SLC35D2: variants seen among roughly 807,000 people sequenced by gnomAD.
SLC35D2 encodes solute carrier family 35 member D2, also known as nucleotide sugar transporter SLC35D2.
In SLC35D2, 43 loss-of-function variants were observed where a neutral mutation model predicts 41.8. The ratio of observed to expected loss-of-function variants is 1.03; its 90% CI spans 0.81 to 1.33. The LOEUF (loss-of-function observed/expected upper bound fraction) is 1.33. SLC35D2 is among the 40% of genes most tolerant of loss of function. The pLI is 0.00. For missense variants in SLC35D2, 380 were observed against 408.4 expected, an observed-to-expected ratio of 0.93 and a Z score of 0.60; for synonymous variants, 150 against 163.9, an observed-to-expected ratio of 0.92 and a Z score of 0.65.
At chr9:96,375,466 T>C (rs1338179976) in intron 1 of SLC35D2, among the ~76,000 whole-genome samples, 3 of 149,604 alleles carry the variant, frequency 2.0e-5, no homozygotes. Flanking sequence ...TAATCCCAAC[T>C]ACTCAAGAAG....
At chr9:96,380,708 CATG>C (rs925612311) in intron 1 of SLC35D2, among the ~76,000 whole-genome samples, 1 of 151,778 alleles carries the variant, frequency 6.6e-6, no homozygotes, top group African/African-American at 2.4e-5. Context: ...ATCCTGACCT[CATG>C]ATCTGCCCAC....
At chr9:96,374,595 G>C (rs575568572) in intron 1 of SLC35D2, among the ~76,000 whole-genome samples, 3 of 151,566 alleles carry the variant, frequency 2.0e-5, no homozygotes, top group African/African-American at 7.3e-5. Context: ...AGCACTTTGG[G>C]AGGACGAGGC....
At chr9:96,378,249 C>T (rs1364117323) in intron 1 of SLC35D2, among the ~76,000 whole-genome samples, 1 of 148,840 alleles carries the variant, frequency 6.7e-6, no homozygotes, top group South Asian at 2.2e-4. Context: ...GCCTGAGCAA[C>T]ATACTGAGAC....
chr9:96,381,029 G>A (rs928491858), intron 1 of SLC35D2, among the ~76,000 whole-genome samples: 2 of 152,170 alleles, frequency 1.3e-5, no homozygotes, highest in Admixed American at 6.5e-5. Flanking sequence ...AGTCCACGCC[G>A]TCTTTACCTG....
chr9:96,363,406 A>G (rs1426169267), intron 3 of SLC35D2, among the ~76,000 whole-genome samples: 8 of 152,194 alleles, frequency 5.3e-5, no homozygotes, highest in Admixed American at 4.6e-4. Context: ...ACAGCAGCAA[A>G]CCAGCCACAT....
intron 3 of SLC35D2, among the ~76,000 whole-genome samples, chr9:96,362,451 G>A (rs939161252): frequency 4.0e-5 from 6 of 151,792 alleles, no homozygotes; most frequent in African/African-American, 1.5e-4. Flanking sequence ...AGTTTGCAGT[G>A]AGCTGACATT....
chr9:96,328,076 TA>T (rs1828631480), intron 9 of SLC35D2, among the ~76,000 whole-genome samples: 1 of 152,176 alleles, frequency 6.6e-6, no homozygotes, highest in Admixed American at 6.5e-5. Context: ...GACTTTGAAC[TA>T]AAAGAACCTT....
intron 2 of SLC35D2, among the ~76,000 whole-genome samples, chr9:96,365,341 A>C (rs796888463): frequency 7.2e-5 from 11 of 152,102 alleles, no homozygotes; most frequent in African/African-American, 2.4e-4. Flanking sequence ...CTTGGGAGAC[A>C]GAGCAAGACT....
intron 4 of SLC35D2, among the ~76,000 whole-genome samples, chr9:96,358,078 T>TATATA (rs1491320526): frequency 1.0e-4 from 8 of 79,244 alleles, no homozygotes; most frequent in African/African-American, 5.4e-4. Context: ...ATATTATATA[T>TATATA]TTTATATATA....
chr9:96,367,356 AAAAC>A (rs1258529979), intron 2 of SLC35D2, among the ~76,000 whole-genome samples: 4 of 152,314 alleles, frequency 2.6e-5, no homozygotes, highest in South Asian at 2.1e-4. Flanking sequence ...AATCAAAATC[AAAAC>A]AAACAAACAA....
intron 6 of SLC35D2, 104 bp from the exon 7 acceptor site, chr9:96,345,505 GCA>G (rs1264675025): frequency 1.3e-5 from 9 of 691,088 alleles, no homozygotes; most frequent in Non-Finnish European, 2.3e-5. Context: ...CTTTTCTGTG[GCA>G]CACTTTCCCC....
chr9:96,352,197 T>C, intron 4 of SLC35D2, 88 bp from the exon 5 acceptor site: 1 of 780,454 alleles, frequency 1.3e-6, no homozygotes, highest in African/African-American at 1.7e-5. Context: ...TAATTAAGCT[T>C]ACTAATTTTC....
intron 11 of SLC35D2, 119 bp downstream of exon 11, chr9:96,321,879 A>G (rs1053885310): frequency 4.7e-6 from 3 of 633,852 alleles, no homozygotes; most frequent in African/African-American, 3.7e-5. Context: ...TTAGAATGTC[A>G]AAACGCCTCC....
chr9:96,368,506 AC>A (rs1587715164), intron 1 of SLC35D2, among the ~76,000 whole-genome samples: 1 of 151,438 alleles, frequency 6.6e-6, no homozygotes, highest in Admixed American at 6.6e-5. Flanking sequence ...AGTGGTGTAA[AC>A]ATGGCTCACT....
At chr9:96,328,231 C>T (rs1056102049) in intron 9 of SLC35D2, among the ~76,000 whole-genome samples, 1 of 117,242 alleles carries the variant, frequency 8.5e-6, no homozygotes, top group Non-Finnish European at 1.7e-5. Context: ...TTCTTAGTAA[C>T]CTTTTTTACC....
intron 11 of SLC35D2, among the ~76,000 whole-genome samples, chr9:96,321,741 G>A (rs538165555): frequency 3.9e-5 from 6 of 152,276 alleles, no homozygotes; most frequent in Admixed American, 2.6e-4. Flanking sequence ...GGCAGAGAAC[G>A]CAGGGGCCTG....
At position 96,376,138 on chromosome 9, in the gene SLC35D2, A is replaced by G. The variant is rs567182603; in HGVS notation, c.158+7339T>C. The stretch of plus-strand genomic sequence containing the variant: ...GTGAAACCCCTTCTCTACTAAAAAT[A>G]CAAAAAAATAGCTGGGCATAGTGGC... On this transcript the variant is annotated intron_variant, in intron 1 of 11. Transcript: ENST00000253270. Among the ~76,000 whole-genome samples, 398 of 151,232 alleles carry G rather than the reference A, an allele frequency of 2.6e-3. 1 individual carries two copies. The highest frequency in any genetic ancestry group is 9.1e-3 in the African/African-American group (376 of 41,152).
chr9:96,375,578 CAA>C (rs540487211), intron 1 of SLC35D2, among the ~76,000 whole-genome samples: 3 of 126,812 alleles, frequency 2.4e-5, no homozygotes, highest in Admixed American at 8.0e-5. Flanking sequence ...AGCTCCATCT[CAA>C]AAAAAAAAAA....
At chr9:96,382,813 G>A (rs1052927730) in intron 1 of SLC35D2, among the ~76,000 whole-genome samples, 1 of 152,062 alleles carries the variant, frequency 6.6e-6, no homozygotes, top group Non-Finnish European at 1.5e-5. Context: ...TAATCATTCA[G>A]GTTTTTTGCA....
Sources: gnomAD v4.1 joint callset for allele counts (sites outside exome capture counted in the v4.1 genomes callset) on GRCh38, gnomAD v4.1.1 for gene constraint, MANE v1.5 for transcripts, NCBI Gene and HGNC (gene_info 2026-07-23, HGNC 2026-07-21) for gene names.